The following MCTP2 variants were observed in gnomAD, a reference collection of about 807,000 sequenced individuals.
The protein encoded by MCTP2 is multiple C2 and transmembrane domain containing 2.
Under a neutral mutation model 111.6 loss-of-function variants are expected in MCTP2, and 132 were observed. The ratio of observed to expected loss-of-function variants is 1.18; its 90% CI spans 1.03 to 1.37. The LOEUF (loss-of-function observed/expected upper bound fraction) is 1.37, where lower values mean the gene tolerates loss of function less well. MCTP2 is among the 40% of genes most tolerant of loss of function. The pLI is 0.00. For synonymous variants in MCTP2, 395 were observed against 387.7 expected (o/e 1.02, Z -0.22); for missense variants, 1,183 against 1,067.9 (o/e 1.11, Z -1.50).
Position 94,390,113 on chromosome 15 carries a change from T to TAC in MCTP2, c.1788+4588_1788+4589insAC, listed in dbSNP as rs1567603520. Among the ~76,000 whole-genome samples, 76 of 45,944 alleles carry TAC rather than the reference T, an allele frequency of 1.7e-3. 6 individuals carry two copies. The highest frequency in any genetic ancestry group is 0.016 in the Middle Eastern group (1 of 64). 30.1% of individuals were successfully genotyped at this position (45,944 alleles called of 152,430 possible). On this transcript the variant is annotated intron_variant, in intron 14 of 22. Transcript: ENST00000357742. ...ATGTATATATATATATATATATATA[T>TAC]GTATATATATATATATATACTTAGA...
At chr15:94,434,986 C>T (rs1373647186) in intron 17 of MCTP2, among the ~76,000 whole-genome samples, 1 of 152,034 alleles carries the variant, frequency 6.6e-6, no homozygotes, top group Admixed American at 6.5e-5. Flanking sequence ...GCCTTAGCCT[C>T]CCGAGTAGCT....
intron 4 of MCTP2, among the ~76,000 whole-genome samples, chr15:94,323,489 T>A (rs1225721715): frequency 6.6e-6 from 1 of 152,148 alleles, no homozygotes; most frequent in Non-Finnish European, 1.5e-5. Flanking sequence ...GTGGCCACAT[T>A]TAGAAGATTG....
At chr15:94,236,395 T>C (rs921524196) in intron 1 of MCTP2, among the ~76,000 whole-genome samples, 1 of 141,236 alleles carries the variant, frequency 7.1e-6, no homozygotes, top group African/African-American at 2.7e-5. Context: ...TTTTTTTTTT[T>C]TTTTTTTTTT....
intron 12 of MCTP2, among the ~76,000 whole-genome samples, chr15:94,381,978 T>C (rs961872183): frequency 6.6e-6 from 1 of 152,244 alleles, no homozygotes; most frequent in African/African-American, 2.4e-5. Context: ...TTTCCCATTG[T>C]ATATTTTGAA....
In MCTP2 at chr15:94,421,655, T is replaced by G. The variant is rs142289456; in HGVS notation, c.2086-18521T>G. Among the ~76,000 whole-genome samples the G allele has an allele frequency of 1.5e-4, 23 of 152,306 alleles. No individual in the cohort carries two copies. In the East Asian group the frequency reaches 4.4e-3, roughly 29 times the overall value. On this transcript the variant is annotated intron_variant, in intron 17 of 22. Transcript: ENST00000357742. ...TTCTCCTGTCACATCACTCTGACCT[T>G]GTTTCTGCCCTCATGTCTTTTCTGG...
chr15:94,369,391 A>G (rs985962415), intron 11 of MCTP2, among the ~76,000 whole-genome samples: 11 of 152,130 alleles, frequency 7.2e-5, no homozygotes, highest in African/African-American at 2.7e-4. Flanking sequence ...GCAGGAGAAG[A>G]GAGTTTATCT....
Position 94,257,692 on chromosome 15 carries a change from T to C in MCTP2, c.-66+26028T>C, listed in dbSNP as rs1279696145. Among the ~76,000 whole-genome samples the C allele has an allele frequency of 2.0e-5, 3 of 148,088 alleles. No homozygotes were observed. The Admixed American group carries it at 2.0e-4, about 10-fold the overall frequency. Reference sequence around the variant, plus strand: ...GTCTCTGCCTCCTAGGTTCGAGCGATTCTCCTGCCTCAGCTTCCTGAGTAG... The same window carrying C: ...GTCTCTGCCTCCTAGGTTCGAGCGACTCTCCTGCCTCAGCTTCCTGAGTAG... On this transcript the variant is annotated intron_variant, in intron 1 of 22. Transcript: ENST00000357742.
intron 17 of MCTP2, among the ~76,000 whole-genome samples, chr15:94,423,943 CTG>C (rs1393243401): frequency 1.3e-5 from 2 of 152,222 alleles, no homozygotes; most frequent in Admixed American, 6.5e-5. Context: ...CACTTACAAA[CTG>C]AACATTTTTT....
chr15:94,322,480 A>C (rs1451495041), intron 4 of MCTP2, among the ~76,000 whole-genome samples: 2 of 152,200 alleles, frequency 1.3e-5, no homozygotes, highest in Admixed American at 1.3e-4. Flanking sequence ...CTCTTGACAT[A>C]GTGAGAAAGC....
intron 14 of MCTP2, among the ~76,000 whole-genome samples, chr15:94,396,657 C>G (rs1166986774): frequency 1.3e-5 from 2 of 152,140 alleles, no homozygotes; most frequent in African/African-American, 4.8e-5. Flanking sequence ...TTCACCTGTT[C>G]TTAACCCAAA....
At chr15:94,365,953 T>C (rs372909243) in intron 10 of MCTP2, among the ~76,000 whole-genome samples, 1 of 152,182 alleles carries the variant, frequency 6.6e-6, no homozygotes, top group Non-Finnish European at 1.5e-5. Context: ...AAAGTGTATA[T>C]AACAGTGTAA....
chr15:94,365,243 C>A (rs550778593), intron 10 of MCTP2, among the ~76,000 whole-genome samples: 4 of 152,312 alleles, frequency 2.6e-5, no homozygotes, highest in African/African-American at 7.2e-5. Flanking sequence ...TGGATTCACT[C>A]GTTAGTTATC....
At chr15:94,356,766 T>A (rs2078649311) in intron 9 of MCTP2, among the ~76,000 whole-genome samples, 1 of 152,184 alleles carries the variant, frequency 6.6e-6, no homozygotes. Flanking sequence ...TTGCTGGGAT[T>A]AAAAATAATA....
At chr15:94,474,810 G>T (rs778491925) in intron 21 of MCTP2, among the ~76,000 whole-genome samples, 73 of 152,086 alleles carry the variant, frequency 4.8e-4, no homozygotes, top group Middle Eastern at 3.4e-3. Context: ...CATAAATAAG[G>T]TGTGCATTTG....
chr15:94,357,287 A>G (rs1286177084), intron 9 of MCTP2, among the ~76,000 whole-genome samples: 1 of 152,224 alleles, frequency 6.6e-6, no homozygotes, highest in Non-Finnish European at 1.5e-5. Flanking sequence ...AGGGTGTATT[A>G]AGACAGAAGT....
At chr15:94,355,822 C>T in intron 8 of MCTP2, 1 of 651,510 alleles carries the variant, frequency 1.5e-6, no homozygotes, top group Non-Finnish European at 1.9e-6. Context: ...CTTCCTCTCA[C>T]ACTATTAAAA....
At chr15:94,307,447 C>T (rs2075937447) in intron 2 of MCTP2, among the ~76,000 whole-genome samples, 1 of 152,024 alleles carries the variant, frequency 6.6e-6, no homozygotes, top group African/African-American at 2.4e-5. Context: ...CAGGAGTGTC[C>T]CTGATGTTTC....
chr15:94,429,757 C>A (rs559408800), intron 17 of MCTP2, among the ~76,000 whole-genome samples: 6 of 152,246 alleles, frequency 3.9e-5, no homozygotes, highest in African/African-American at 1.2e-4. Context: ...CACAAATTTA[C>A]GTATCTAACC....
chr15:94,478,893 G>C, intron 22 of MCTP2, 73 bp from the exon 23 acceptor site: 1 of 1,326,044 alleles, frequency 7.5e-7, no homozygotes, highest in South Asian at 1.2e-5. Context: ...GTTGTCCTTG[G>C]GGAGCCATTA....
Sources: gnomAD v4.1 joint callset for allele counts (sites outside exome capture counted in the v4.1 genomes callset) on GRCh38, gnomAD v4.1.1 for gene constraint, MANE v1.5 for transcripts, NCBI Gene and HGNC (gene_info 2026-07-23, HGNC 2026-07-21) for gene names.